TLN2: variants seen among roughly 807,000 people sequenced by gnomAD.
The protein encoded by TLN2 is talin 2.
TLN2 carries 118 observed loss-of-function variants against 294.7 expected under a neutral mutation model. The ratio of observed to expected loss-of-function variants is 0.40; its 90% CI spans 0.34 to 0.47. The LOEUF (loss-of-function observed/expected upper bound fraction) is 0.47, where lower values mean the gene tolerates loss of function less well. Among genes scored for constraint, TLN2 ranks in the 20% least tolerant of loss-of-function variants. TLN2 has a pLI of 0.84. For synonymous variants in TLN2, 1,431 were observed against 1,304.5 expected (o/e 1.10, Z -2.09); for missense variants, 3,083 against 3,282.2 (o/e 0.94, Z 1.48).
intron 48 of TLN2, among the ~76,000 whole-genome samples, chr15:62,798,914 A>G (rs1596036933): frequency 6.6e-6 from 1 of 152,312 alleles, no homozygotes; most frequent in East Asian, 1.9e-4. Context: ...CCTCCGCTAC[A>G]GGTGGTGGGT....
intron 1 of TLN2, among the ~76,000 whole-genome samples, chr15:62,495,609 G>A (rs1317856913): frequency 6.6e-6 from 1 of 152,218 alleles, no homozygotes; most frequent in South Asian, 2.1e-4. Context: ...AGAATTTTTT[G>A]AAGTGCCTTG....
chr15:62,479,736 T>C (rs2037980593), intron 1 of TLN2, among the ~76,000 whole-genome samples: 1 of 152,226 alleles, frequency 6.6e-6, no homozygotes, highest in Non-Finnish European at 1.5e-5. Flanking sequence ...TCCGCCTGCC[T>C]CAGCCTCCCA....
chr15:62,679,624 G>A (rs568793461), intron 11 of TLN2, among the ~76,000 whole-genome samples: 3 of 152,188 alleles, frequency 2.0e-5, no homozygotes, highest in Admixed American at 1.3e-4. Context: ...TGGGAGATAG[G>A]GGAATGATGG....
chr15:62,399,663 T>A (rs2032869441), intron 1 of TLN2, among the ~76,000 whole-genome samples: 1 of 152,228 alleles, frequency 6.6e-6, no homozygotes, highest in South Asian at 2.1e-4. Context: ...TTTGGAACTT[T>A]AAGGTTAAAT....
chr15:62,604,892 G>T (rs60165814), intron 2 of TLN2, among the ~76,000 whole-genome samples: 52 of 151,406 alleles, frequency 3.4e-4, no homozygotes, highest in African/African-American at 1.2e-3. Flanking sequence ...CGCTGCCGCC[G>T]CCTCCTCCTC....
intron 2 of TLN2, among the ~76,000 whole-genome samples, chr15:62,600,154 C>T (rs372658807): frequency 5.3e-5 from 8 of 152,248 alleles, no homozygotes; most frequent in South Asian, 2.1e-4. Flanking sequence ...GTGGGTTATA[C>T]AGGACAGAAG....
chr15:62,501,280 C>A (rs2039292572), intron 1 of TLN2, among the ~76,000 whole-genome samples: 1 of 152,074 alleles, frequency 6.6e-6, no homozygotes, highest in African/African-American at 2.4e-5. Context: ...TATGCAAGTC[C>A]CTTTTGTTCC....
At chr15:62,820,909 A>C (rs539894863) in intron 54 of TLN2, among the ~76,000 whole-genome samples, 22 of 152,210 alleles carry the variant, frequency 1.4e-4, no homozygotes, top group Non-Finnish European at 3.1e-4. Flanking sequence ...GCTTTCTGTC[A>C]GAAGTTGCTG....
At chr15:62,667,184 T>C (rs757683924) in intron 9 of TLN2, among the ~76,000 whole-genome samples, 6 of 152,126 alleles carry the variant, frequency 3.9e-5, no homozygotes, top group Admixed American at 1.3e-4. Context: ...GCCAGGATGG[T>C]CTCGATCTCC....
intron 1 of TLN2, among the ~76,000 whole-genome samples, chr15:62,409,562 AG>A (rs2140250792): frequency 6.6e-6 from 1 of 152,348 alleles, no homozygotes; most frequent in African/African-American, 2.4e-5. Context: ...CCTTTTAAAA[AG>A]TTACATTCAT....
chr15:62,708,948 GAT>G, intron 21 of TLN2, 152 bp downstream of exon 21: 1 of 894,382 alleles, frequency 1.1e-6, no homozygotes, highest in Non-Finnish European at 1.7e-6. Context: ...CTCAGAAAAA[GAT>G]ATAAGACTCT....
chr15:62,711,893 C>T lies in TLN2; in HGVS notation c.2468-18C>T. 6.3e-7 allele frequency: 1 copy of T among 1,595,352 alleles called. No homozygotes were observed. Among genetic ancestry groups the T allele is most frequent in the Non-Finnish European group, 8.6e-7 (1 of 1,165,932 alleles). Reference sequence around the variant, plus strand: ...GAAAAGCAGACAAACAGACCTCATCCTCTATTCTGTCTTCTAGGTGAAATG... The same window carrying T: ...GAAAAGCAGACAAACAGACCTCATCTTCTATTCTGTCTTCTAGGTGAAATG... On this transcript the variant is annotated intron_variant, in intron 21 of 58. Transcript: ENST00000636159.
chr15:62,429,554 C>T (rs2034901351), intron 1 of TLN2, among the ~76,000 whole-genome samples: 1 of 151,774 alleles, frequency 6.6e-6, no homozygotes, highest in Non-Finnish European at 1.5e-5. Flanking sequence ...TCACTCTGGC[C>T]GATGTATTTA....
chr15:62,580,543 C>T (rs372713403), intron 1 of TLN2, among the ~76,000 whole-genome samples: 4 of 151,902 alleles, frequency 2.6e-5, no homozygotes, highest in East Asian at 1.9e-4. Flanking sequence ...CGCGAGTAGC[C>T]GGTACTATAG....
chr15:62,479,388 G>A (rs958986746), intron 1 of TLN2, among the ~76,000 whole-genome samples: 45 of 152,270 alleles, frequency 3.0e-4, no homozygotes, highest in Non-Finnish European at 6.6e-4. Context: ...ATCCTTCAAG[G>A]ACTGTCTGAA....
rs1167386567 is a variant in TLN2 at position 62,738,271 on chromosome 15, A to G, written c.3625A>G (p.Lys1209Glu). The G allele has an allele frequency of 6.2e-7, 1 of 1,614,060 alleles. No individual in the cohort carries two copies. The highest frequency in any genetic ancestry group is 8.5e-7 in the Non-Finnish European group (1 of 1,180,026). Residue 1209 changes from lysine to glutamate, a missense_variant, in exon 30 of 59, where the codon AAG becomes GAG. By Grantham distance (56) the Lys-to-Glu change is moderately conservative. Coordinates refer to ENST00000636159, the MANE Select transcript of TLN2 (RefSeq NM_015059.3). ...CTGCGTAAATTGCCTCCCTGGGCAG[A>G]AGGATGTGGACGTGGCCTTGAAGAG... The part of the protein sequence containing the change: ...NNCVNCLPGQ[K>E]DVDVALKSIG...
At chr15:62,764,218 T>C (rs1279554484) in intron 40 of TLN2, among the ~76,000 whole-genome samples, 1 of 152,206 alleles carries the variant, frequency 6.6e-6, no homozygotes, top group Non-Finnish European at 1.5e-5. Context: ...CACTTTGCCC[T>C]TTCTTGCTTG....
chr15:62,493,560 C>T (rs2038861135), intron 1 of TLN2, among the ~76,000 whole-genome samples: 1 of 151,894 alleles, frequency 6.6e-6, no homozygotes, highest in Admixed American at 6.5e-5. Context: ...ATCCACTCAG[C>T]TTTCACGCTC....
In TLN2 at chr15:62,822,559, C is replaced by T. The variant is rs1336851891; in HGVS notation, c.7002+1949C>T. Among the ~76,000 whole-genome samples the T allele has an allele frequency of 2.0e-5, 3 of 152,204 alleles. No homozygotes were observed. In the East Asian group the frequency reaches 5.8e-4, roughly 29 times the overall value. ...TTGCCAGGGTCCGACCACTGTCACT[C>T]AGCTGGGAGGGCTATGTATGGCCCT... On this transcript the variant is annotated intron_variant, in intron 54 of 58. Coordinates refer to ENST00000636159, the MANE Select transcript of TLN2 (RefSeq NM_015059.3).
Sources: gnomAD v4.1 joint callset for allele counts (sites outside exome capture counted in the v4.1 genomes callset) on GRCh38, gnomAD v4.1.1 for gene constraint, MANE v1.5 for transcripts, NCBI Gene and HGNC (gene_info 2026-07-23, HGNC 2026-07-21) for gene names.